Variants in BRINP3 observed in about 807,000 individuals in gnomAD.
BRINP3 encodes BMP/retinoic acid-inducible neural-specific protein 3.
BRINP3 carries 19 observed loss-of-function variants against 71.0 expected under a neutral mutation model. That is an observed-to-expected ratio of 0.27 (90% CI 0.19 to 0.39). BRINP3 has a LOEUF of 0.39. BRINP3 is among the 10% of genes least tolerant of loss of function. BRINP3 has a pLI of 1.00. For synonymous variants in BRINP3, 380 were observed against 337.7 expected (o/e 1.13, Z -1.37); for missense variants, 959 against 940.8 (o/e 1.02, Z -0.25).
chr1:190,216,003 G>A (rs72729169), intron 6 of BRINP3, among the ~76,000 whole-genome samples: 1 of 145,938 alleles, frequency 6.9e-6, no homozygotes, highest in South Asian at 2.5e-4. Context: ...AAGTAATGAA[G>A]TTTTTTATTT....
intron 2 of BRINP3, among the ~76,000 whole-genome samples, chr1:190,382,875 T>A (rs554472852): frequency 9.2e-5 from 14 of 152,140 alleles, no homozygotes; most frequent in Non-Finnish European, 1.6e-4. Context: ...ACCAAACCAA[T>A]CCGGGAAGAG....
In BRINP3 at chr1:190,142,830, G is replaced by GA. The variant is rs71123072; in HGVS notation, c.1184+17837dup. ...GCTTCAGCAATATGTTTTATTTAGG[G>GA]AAAAAAAAAAAGTTGGCCTTTCTGG... On this transcript the variant is annotated intron_variant, in intron 7 of 7. Coordinates refer to ENST00000367462, the MANE Select transcript of BRINP3 (RefSeq NM_199051.3). Among the ~76,000 whole-genome samples, 64 of 145,686 alleles carry GA rather than the reference G, an allele frequency of 4.4e-4. No homozygotes were observed. The East Asian group carries it at 6.2e-3, about 14-fold the overall frequency.
intron 3 of BRINP3, among the ~76,000 whole-genome samples, chr1:190,277,111 A>ATATATATATATATATATATT (rs1558137294): frequency 8.1e-6 from 1 of 123,914 alleles, no homozygotes; most frequent in Non-Finnish European, 1.7e-5. Flanking sequence ...ATATATATAT[A>ATATATATATATATATATATT]TATATATTTA....
chr1:190,136,643 A>AT lies in BRINP3; in HGVS notation c.1184+24024dup, dbSNP rs1379898142. On this transcript the variant is annotated intron_variant, in intron 7 of 7. Coordinates refer to ENST00000367462, the MANE Select transcript of BRINP3 (RefSeq NM_199051.3). ...GCTTACAATTTTAACATACGCAAAC[A>AT]TTTTTATTTTTTCCATCATCTAATT... Among the ~76,000 whole-genome samples the AT allele has an allele frequency of 2.6e-5, 4 of 152,132 alleles. No homozygotes were observed. In the East Asian group the frequency reaches 7.7e-4, roughly 29 times the overall value.
chr1:190,107,706 A>G (rs75912514), intron 7 of BRINP3, among the ~76,000 whole-genome samples: 4,823 of 152,082 alleles, frequency 0.032, 253 homozygotes, highest in African/African-American at 0.11. Context: ...TTGTTACACT[A>G]GAATCCCTAG....
At chr1:190,271,889 C>T (rs1022803942) in intron 3 of BRINP3, among the ~76,000 whole-genome samples, 4 of 151,512 alleles carry the variant, frequency 2.6e-5, no homozygotes, top group Non-Finnish European at 3.0e-5. Context: ...AGGAATACTT[C>T]GCACATGTTA....
At chr1:190,158,184 G>A (rs1006126287) in intron 7 of BRINP3, among the ~76,000 whole-genome samples, 3 of 152,038 alleles carry the variant, frequency 2.0e-5, no homozygotes, top group Non-Finnish European at 4.4e-5. Context: ...TAGTGAATAA[G>A]TCTCATGAGA....
At chr1:190,124,179 T>C (rs917362238) in intron 7 of BRINP3, among the ~76,000 whole-genome samples, 2 of 152,172 alleles carry the variant, frequency 1.3e-5, no homozygotes, top group Non-Finnish European at 2.9e-5. Flanking sequence ...ACAGGAGTCG[T>C]CTGATCCTTG....
chr1:190,135,842 T>C (rs928843028), intron 7 of BRINP3, among the ~76,000 whole-genome samples: 1 of 152,084 alleles, frequency 6.6e-6, no homozygotes, highest in African/African-American at 2.4e-5. Flanking sequence ...ACAGCATATA[T>C]CATTTTTCCT....
intron 6 of BRINP3, among the ~76,000 whole-genome samples, chr1:190,170,512 A>G (rs866274962): frequency 1.3e-5 from 2 of 152,154 alleles, no homozygotes; most frequent in African/African-American, 4.8e-5. Context: ...GCTTAGTCAT[A>G]TAAAACGTGA....
chr1:190,348,119 G>C (rs1668142720), intron 2 of BRINP3, among the ~76,000 whole-genome samples: 2 of 152,102 alleles, frequency 1.3e-5, no homozygotes, highest in African/African-American at 2.4e-5. Context: ...GGGAAGAGAA[G>C]CTTTTGTTCA....
chr1:190,223,357 C>T (rs1464435111), intron 6 of BRINP3, among the ~76,000 whole-genome samples: 1 of 151,864 alleles, frequency 6.6e-6, no homozygotes, highest in African/African-American at 2.4e-5. Context: ...GATGGTTCAA[C>T]ACATGCAAAT....
At chr1:190,301,224 T>C (rs1356695627) in intron 2 of BRINP3, among the ~76,000 whole-genome samples, 7 of 128,214 alleles carry the variant, frequency 5.5e-5, no homozygotes, top group African/African-American at 1.9e-4. Context: ...TATATATATA[T>C]ATATATATAT....
chr1:190,176,043 T>C (rs1292119914), intron 6 of BRINP3, among the ~76,000 whole-genome samples: 1 of 152,200 alleles, frequency 6.6e-6, no homozygotes, highest in African/African-American at 2.4e-5. Flanking sequence ...AATGATGCCC[T>C]TTACTTGTAT....
intron 2 of BRINP3, among the ~76,000 whole-genome samples, chr1:190,379,644 A>C (rs183694691): frequency 6.6e-6 from 1 of 152,248 alleles, no homozygotes; most frequent in Non-Finnish European, 1.5e-5. Flanking sequence ...GGAGAGAAGA[A>C]TGGTGTAAGC....
chr1:190,305,999 A>G lies in BRINP3; in HGVS notation c.237-24249T>C, dbSNP rs1318744677. ...ATGCACATACTTATAACAATAAAATATTGTTTCTTTTCTGTTTTGTTGGCA... is the reference window on the plus strand; with the variant it reads ...ATGCACATACTTATAACAATAAAATGTTGTTTCTTTTCTGTTTTGTTGGCA... On this transcript the variant is annotated intron_variant, in intron 2 of 7. Coordinates refer to ENST00000367462, the MANE Select transcript of BRINP3 (RefSeq NM_199051.3). 3.3e-5 allele frequency among the ~76,000 whole-genome samples: 5 copies of G among 151,858 alleles called. No individual in the cohort carries two copies. The East Asian group carries it at 9.6e-4, about 29-fold the overall frequency.
At chr1:190,221,904 A>G (rs770320960) in intron 6 of BRINP3, among the ~76,000 whole-genome samples, 1 of 152,156 alleles carries the variant, frequency 6.6e-6, no homozygotes, top group African/African-American at 2.4e-5. Context: ...AGAGTTTCCT[A>G]TAAGTATATA....
At chr1:190,192,156 T>C (rs1654089451) in intron 6 of BRINP3, among the ~76,000 whole-genome samples, 1 of 152,202 alleles carries the variant, frequency 6.6e-6, no homozygotes, top group African/African-American at 2.4e-5. Context: ...TCACAGGGCA[T>C]ATTTATAAAC....
At chr1:190,191,888 A>G (rs1654067806) in intron 6 of BRINP3, among the ~76,000 whole-genome samples, 1 of 152,162 alleles carries the variant, frequency 6.6e-6, no homozygotes, top group Non-Finnish European at 1.5e-5. Flanking sequence ...CAATTTTTAC[A>G]TTCTTGTTAC....
Sources: allele counts gnomAD v4.1 joint callset (sites outside exome capture counted in the v4.1 genomes callset), GRCh38; gene constraint gnomAD v4.1.1; transcripts MANE v1.5; gene names NCBI Gene and HGNC (gene_info 2026-07-23, HGNC 2026-07-21).